The following RUNX1T1 variants were observed in gnomAD, a reference collection of about 807,000 sequenced individuals.
RUNX1T1 encodes RUNX1 partner transcriptional co-repressor 1.
RUNX1T1 carries 4 observed loss-of-function variants against 62.8 expected under a neutral mutation model. The observed-to-expected ratio is 0.06, with a 90% CI of 0.03 to 0.15. RUNX1T1 has a LOEUF of 0.15. Ranked by LOEUF, RUNX1T1 falls within the 10% of genes least tolerant of loss-of-function variation. The pLI, the probability that RUNX1T1 is intolerant of heterozygous loss-of-function variation, is 1.00. For missense variants in RUNX1T1, 508 were observed against 754.3 expected (o/e 0.67, Z 3.82); for synonymous variants, 291 against 286.0 (o/e 1.02, Z -0.18).
intron 5 of RUNX1T1, among the ~76,000 whole-genome samples, chr8:91,994,274 T>C (rs543678173): frequency 6.6e-6 from 1 of 152,108 alleles, no homozygotes; most frequent in South Asian, 2.1e-4. Context: ...CTAATTGCAT[T>C]GCTTTAAAAT....
rs1038292889 is a variant in RUNX1T1, at chr8:91,960,625, C to T, written c.1459-108G>A. The T allele has an allele frequency of 9.1e-6, 11 of 1,206,872 alleles. No individual in the cohort carries two copies. In the South Asian group the frequency reaches 1.1e-4, roughly 13 times the overall value. 74.8% of individuals were successfully genotyped at this position (1,206,872 alleles called of 1,614,324 possible). ...TGTAGCCTTATTTTCAAGAACTATA[C>T]AGTCAGGATGAAAAATCCAGGTGTT... On this transcript the variant is annotated intron_variant, in intron 10 of 10. Coordinates refer to ENST00000396218, the Ensembl canonical transcript of RUNX1T1.
chr8:91,984,802 T>C (rs1816198519), intron 8 of RUNX1T1, among the ~76,000 whole-genome samples: 1 of 152,216 alleles, frequency 6.6e-6, no homozygotes, highest in Non-Finnish European at 1.5e-5. Context: ...TCGACCAATA[T>C]TGGCTCAAAC....
At chr8:92,095,711 C>G in intron 1 of RUNX1T1, 1 of 693,256 alleles carries the variant, frequency 1.4e-6, no homozygotes, top group South Asian at 3.0e-5. Flanking sequence ...GGGGCTCAGA[C>G]CCCAGGATGG....
chr8:92,098,644 A>G (rs1274589644), intron 1 of RUNX1T1, among the ~76,000 whole-genome samples: 3 of 152,350 alleles, frequency 2.0e-5, no homozygotes, highest in Middle Eastern at 3.4e-3. Flanking sequence ...TAGCAGCTAC[A>G]TAGCGATTTA....
chr8:91,996,840 G>A (rs1818790880), intron 5 of RUNX1T1, among the ~76,000 whole-genome samples: 1 of 151,682 alleles, frequency 6.6e-6, no homozygotes, highest in African/African-American at 2.4e-5. Flanking sequence ...AACTACATGA[G>A]GCTGGACGCA....
rs36052605 is a variant in RUNX1T1, at chr8:92,089,925, T to TA, written c.-86+9654dup. 7.1e-3 allele frequency among the ~76,000 whole-genome samples: 565 copies of TA among 80,078 alleles called. 3 individuals carry two copies. The highest frequency in any genetic ancestry group is 8.3e-3 in the Non-Finnish European group (360 of 43,292). 52.5% of individuals were successfully genotyped at this position (80,078 alleles called of 152,430 possible). On this transcript the variant is annotated intron_variant, in intron 1 of 11. Transcript: ENST00000265814. Reference sequence around the variant, plus strand: ...TGTCACCCACCCCAATCCCTGAATTTAAAAAAAAAAAAAAAAAAAAAAAAG... The same window carrying TA: ...TGTCACCCACCCCAATCCCTGAATTTAAAAAAAAAAAAAAAAAAAAAAAAAG...
At chr8:92,049,241 T>G (rs187474250) in intron 1 of RUNX1T1, among the ~76,000 whole-genome samples, 1 of 152,314 alleles carries the variant, frequency 6.6e-6, no homozygotes, top group South Asian at 2.1e-4. Flanking sequence ...CTTTTTCGAA[T>G]TACCCTCAAA....
rs775581168 is a variant in RUNX1T1, at chr8:91,986,360, T to A, written c.997-35A>T. 2.6e-5 allele frequency: 39 copies of A among 1,501,962 alleles called. No individual in the cohort carries two copies. The Admixed American group carries it at 6.4e-4, about 24-fold the overall frequency. The allele number at this position is 1,501,962 out of a possible 1,614,324, so 93.0% of individuals were successfully genotyped here. A position where few individuals can be genotyped will look rare whatever the true frequency, so the allele number is the denominator to read the frequency against. ...AAAGGGGAGAATAGGGAAGAGCATA[T>A]AAATCATCACAATTAAAGATTTTGC... On this transcript the variant is annotated intron_variant, in intron 7 of 10. Coordinates refer to ENST00000396218, the Ensembl canonical transcript of RUNX1T1.
intron 10 of RUNX1T1, among the ~76,000 whole-genome samples, chr8:91,969,444 GAGA>G (rs1055203493): frequency 1.4e-4 from 22 of 152,150 alleles, no homozygotes; most frequent in African/African-American, 5.1e-4. Context: ...CATTTGAACA[GAGA>G]AGGACAAATT....
intron 1 of RUNX1T1, among the ~76,000 whole-genome samples, chr8:92,081,940 A>C (rs748232625): frequency 5.3e-5 from 8 of 151,906 alleles, no homozygotes; most frequent in Non-Finnish European, 1.2e-4. Flanking sequence ...GGCTGGAGTG[A>C]AGTGGCGCAA....
At chr8:92,067,981 T>C (rs1833122524) in intron 2 of RUNX1T1, among the ~76,000 whole-genome samples, 1 of 152,196 alleles carries the variant, frequency 6.6e-6, no homozygotes, top group Non-Finnish European at 1.5e-5. Flanking sequence ...AAACATACTA[T>C]AATAATACAG....
chr8:92,021,206 T>C (rs1420615571), intron 1 of RUNX1T1, among the ~76,000 whole-genome samples: 1 of 152,144 alleles, frequency 6.6e-6, no homozygotes, highest in Non-Finnish European at 1.5e-5. Context: ...CAAAGTGAAA[T>C]GCAAGTCCTG....
chr8:92,046,815 T>C (rs1160656034), intron 1 of RUNX1T1, among the ~76,000 whole-genome samples: 5 of 152,136 alleles, frequency 3.3e-5, no homozygotes, highest in Non-Finnish European at 5.9e-5. Flanking sequence ...TAGCACTACA[T>C]AGAACAGTGT....
intron 1 of RUNX1T1, among the ~76,000 whole-genome samples, chr8:92,086,645 T>C (rs1180940122): frequency 6.6e-6 from 1 of 152,200 alleles, no homozygotes; most frequent in Non-Finnish European, 1.5e-5. Flanking sequence ...TGTGATTCTA[T>C]GAGTCTGGGG....
chr8:91,999,211 C>A (rs932219527), intron 5 of RUNX1T1, among the ~76,000 whole-genome samples: 4 of 152,014 alleles, frequency 2.6e-5, no homozygotes, highest in African/African-American at 9.7e-5. Context: ...CAGAAGGTAC[C>A]ATTAAAAACA....
intron 1 of RUNX1T1, among the ~76,000 whole-genome samples, chr8:92,099,168 G>C (rs1837927007): frequency 6.6e-6 from 1 of 152,090 alleles, no homozygotes; most frequent in Non-Finnish European, 1.5e-5. Flanking sequence ...CAAGTTGGGG[G>C]AGACAACATT....
intron 1 of RUNX1T1, among the ~76,000 whole-genome samples, chr8:92,057,369 T>C (rs1174045941): frequency 6.6e-6 from 1 of 152,192 alleles, no homozygotes; most frequent in Non-Finnish European, 1.5e-5. Context: ...ATCTCTACCA[T>C]TTAACTTTAC....
chr8:91,967,140 G>A (rs79690295), intron 10 of RUNX1T1, among the ~76,000 whole-genome samples: 1,635 of 152,216 alleles, frequency 0.011, 20 homozygotes, highest in African/African-American at 0.037. Context: ...AGAAGTAAAC[G>A]AGCTAAAGTA....
At chr8:91,998,289 A>G (rs1819098485) in intron 5 of RUNX1T1, among the ~76,000 whole-genome samples, 1 of 152,186 alleles carries the variant, frequency 6.6e-6, no homozygotes, top group East Asian at 1.9e-4. Context: ...AATCAAACCT[A>G]ATTCTTCATG....
Sources: allele counts gnomAD v4.1 joint callset (sites outside exome capture counted in the v4.1 genomes callset), GRCh38; gene constraint gnomAD v4.1.1; transcripts MANE v1.5; gene names NCBI Gene and HGNC (gene_info 2026-07-23, HGNC 2026-07-21).